The following SLC39A11 variants were observed in gnomAD, a reference collection of about 807,000 sequenced individuals.
SLC39A11 encodes solute carrier family 39 member 11.
SLC39A11 carries 33 observed loss-of-function variants against 36.1 expected under a neutral mutation model. The ratio of observed to expected loss-of-function variants is 0.91; its 90% CI spans 0.69 to 1.22. The LOEUF is 1.22. Among genes scored for constraint, SLC39A11 ranks in the 50% most tolerant of loss-of-function variants. The pLI is 0.00. For missense variants in SLC39A11, 432 were observed against 430.3 expected (o/e 1.00, Z -0.03); for synonymous variants, 166 against 170.3 (o/e 0.97, Z 0.20).
chr17:72,707,859 A>G (rs1567968879), intron 7 of SLC39A11, among the ~76,000 whole-genome samples: 1 of 152,262 alleles, frequency 6.6e-6, no homozygotes, highest in Non-Finnish European at 1.5e-5. Context: ...CATGGCAAAA[A>G]TATCCTCAAA....
intron 4 of SLC39A11, among the ~76,000 whole-genome samples, chr17:73,008,165 G>GT (rs1555676170): frequency 0.1 from 3,401 of 32,756 alleles, 101 homozygotes; most frequent in South Asian, 0.21. Flanking sequence ...TTTTTTTTTT[G>GT]TTTTTTTTTT....
At chr17:72,985,452 A>G (rs11655965) in intron 4 of SLC39A11, among the ~76,000 whole-genome samples, 70,229 of 130,118 alleles carry the variant, frequency 0.54, 19,150 homozygotes, top group Middle Eastern at 0.71. Context: ...TCACTCTCTC[A>G]CCTAGGCTGG....
intron 6 of SLC39A11, among the ~76,000 whole-genome samples, chr17:72,841,054 CAAAAAAT>C (rs1374635326): frequency 2.6e-5 from 4 of 151,994 alleles, no homozygotes; most frequent in Admixed American, 6.6e-5. Context: ...GACTCCGTCT[CAAAAAAT>C]AAAAAATAAA....
chr17:72,777,189 G>A (rs1176095219), intron 6 of SLC39A11, among the ~76,000 whole-genome samples: 1 of 152,138 alleles, frequency 6.6e-6, no homozygotes, highest in Non-Finnish European at 1.5e-5. Flanking sequence ...ATTTTAAGAG[G>A]GGACAAAGCT....
intron 6 of SLC39A11, among the ~76,000 whole-genome samples, chr17:72,837,030 C>T (rs2078580802): frequency 6.6e-6 from 1 of 152,146 alleles, no homozygotes; most frequent in Admixed American, 6.5e-5. Context: ...CTAGTAGCTC[C>T]TTTCTTGCAA....
chr17:73,065,478 T>C (rs1240462394), intron 3 of SLC39A11, among the ~76,000 whole-genome samples: 3 of 152,150 alleles, frequency 2.0e-5, no homozygotes, highest in African/African-American at 7.2e-5. Flanking sequence ...TGCTGAAGCT[T>C]AGAATATAAA....
At chr17:72,753,889 C>CAAAAAAAA (rs35076559) in intron 6 of SLC39A11, among the ~76,000 whole-genome samples, 8 of 51,872 alleles carry the variant, frequency 1.5e-4, no homozygotes, top group African/African-American at 2.7e-4. Context: ...AGTCATTATA[C>CAAAAAAAA]AAAAAAAAAA....
chr17:72,767,774 C>A (rs2075804609), intron 6 of SLC39A11, among the ~76,000 whole-genome samples: 1 of 152,186 alleles, frequency 6.6e-6, no homozygotes, highest in African/African-American at 2.4e-5. Context: ...AACGACATTG[C>A]CCTCAAGGAT....
At chr17:72,667,142 G>T (rs1210645550) in intron 7 of SLC39A11, among the ~76,000 whole-genome samples, 1 of 152,166 alleles carries the variant, frequency 6.6e-6, no homozygotes, top group East Asian at 1.9e-4. Flanking sequence ...TGGGGTTAGG[G>T]TCATTCTCTA....
chr17:72,900,860 C>T (rs2082358388), intron 5 of SLC39A11, among the ~76,000 whole-genome samples: 1 of 152,140 alleles, frequency 6.6e-6, no homozygotes, highest in Non-Finnish European at 1.5e-5. Context: ...CAGCATCTCA[C>T]AGGCGACAGC....
chr17:72,764,787 T>C (rs1423566881), intron 6 of SLC39A11, among the ~76,000 whole-genome samples: 1 of 151,788 alleles, frequency 6.6e-6, no homozygotes, highest in Non-Finnish European at 1.5e-5. Context: ...GAGAGAAAAA[T>C]GAGTATCAGT....
chr17:72,954,401 G>A (rs916894472), intron 4 of SLC39A11, among the ~76,000 whole-genome samples: 2 of 152,200 alleles, frequency 1.3e-5, no homozygotes, highest in Non-Finnish European at 2.9e-5. Context: ...ACAGCTACAT[G>A]GAAGCCAAGT....
chr17:72,746,519 G>A (rs1453913777), intron 6 of SLC39A11, among the ~76,000 whole-genome samples: 2 of 152,230 alleles, frequency 1.3e-5, no homozygotes, highest in Admixed American at 6.5e-5. Context: ...GGGAGGCCAA[G>A]GTGGGTGGAT....
chr17:73,081,626 TATACATACAC>T (rs1330870231), intron 3 of SLC39A11, among the ~76,000 whole-genome samples: 5 of 108,452 alleles, frequency 4.6e-5, no homozygotes, highest in South Asian at 2.8e-4. Context: ...TATATATATA[TATACATACAC>T]ACACACACAC....
At chr17:72,674,983 C>T (rs1166389228) in intron 7 of SLC39A11, among the ~76,000 whole-genome samples, 3 of 74,848 alleles carry the variant, frequency 4.0e-5, no homozygotes, top group Admixed American at 1.6e-4. Flanking sequence ...AGTGTGTGTG[C>T]GTATGTGTGT....
At chr17:73,015,917 A>T (rs1412442712) in intron 4 of SLC39A11, among the ~76,000 whole-genome samples, 1 of 152,082 alleles carries the variant, frequency 6.6e-6, no homozygotes, top group Non-Finnish European at 1.5e-5. Context: ...AAGAATGAGG[A>T]ATGGCGGTGC....
At chr17:72,885,327 C>CTG (rs10641851) in intron 5 of SLC39A11, among the ~76,000 whole-genome samples, 79,049 of 151,830 alleles carry the variant, frequency 0.52, 22,497 homozygotes, top group African/African-American at 0.75. Flanking sequence ...TTCTGTGCAG[C>CTG]TGAGTCTATT....
intron 3 of SLC39A11, chr17:73,072,368 G>A (rs1032449895): frequency 1.3e-5 from 2 of 152,212 alleles, no homozygotes; most frequent in African/African-American, 4.8e-5. Context: ...GACAGGGACT[G>A]TTTGCAGGGC....
At chr17:73,080,986 A>ATAAATAAT (rs1222217985) in intron 3 of SLC39A11, among the ~76,000 whole-genome samples, 32 of 145,730 alleles carry the variant, frequency 2.2e-4, no homozygotes, top group African/African-American at 7.9e-4. Context: ...AAATAAATAA[A>ATAAATAAT]TAATAAAAAG....
Sources: gnomAD v4.1 joint callset for allele counts (sites outside exome capture counted in the v4.1 genomes callset) on GRCh38, gnomAD v4.1.1 for gene constraint, MANE v1.5 for transcripts, NCBI Gene and HGNC (gene_info 2026-07-23, HGNC 2026-07-21) for gene names.